The following CTBP1 variants were observed in gnomAD, a reference collection of about 807,000 sequenced individuals.
CTBP1 encodes the protein C-terminal binding protein 1.
A neutral mutation model predicts 42.1 loss-of-function variants in CTBP1; 11 were observed. That is an observed-to-expected ratio of 0.26 (90% CI 0.16 to 0.43). The LOEUF (loss-of-function observed/expected upper bound fraction) is 0.43. Ranked by LOEUF, CTBP1 falls within the 20% of genes least tolerant of loss-of-function variation. The probability of loss-of-function intolerance (pLI) is 1.00; values close to 1 mark genes in which losing one functional copy is unlikely to be tolerated. For synonymous variants in CTBP1, 324 were observed against 277.1 expected, an observed-to-expected ratio of 1.17 and a Z score of -1.68; for missense variants, 399 against 624.3, an observed-to-expected ratio of 0.64 and a Z score of 3.85.
At chr4:1,227,670 G>C (rs1730518658) in intron 4 of CTBP1, among the ~76,000 whole-genome samples, 1 of 150,738 alleles carries the variant, frequency 6.6e-6, no homozygotes, top group Non-Finnish European at 1.5e-5. Context: ...AGATGAGTGT[G>C]CGTGTTCCAT....
In CTBP1 at chr4:1,223,160, C is replaced by T. The variant is rs548535952; in HGVS notation, c.514+2200G>A. 1.5e-4 allele frequency among the ~76,000 whole-genome samples: 23 copies of T among 152,252 alleles called. No individual in the cohort carries two copies. In the Middle Eastern group the frequency reaches 0.01, roughly 68 times the overall value. On this transcript the variant is annotated intron_variant, in intron 5 of 9. Transcript: ENST00000382952. ...GTCCCCGGCCCCTCCCGACCTCTGC[C>T]CCAACCTGGGCTTCCTGCCCACCCT...
intron 1 of CTBP1, 70 bp from the exon 2 acceptor site, chr4:1,241,589 G>A: frequency 6.7e-7 from 1 of 1,483,828 alleles, no homozygotes. Context: ...AGACTCCAGG[G>A]AACGCCTCAG....
intron 5 of CTBP1, among the ~76,000 whole-genome samples, chr4:1,222,607 AGGCCTGGGCGGG>A (rs1486371239): frequency 1.3e-5 from 2 of 152,038 alleles, no homozygotes; most frequent in Admixed American, 1.3e-4. Context: ...TCCTCAGGCC[AGGCCTGGGCGGG>A]GGCCCTGGCA....
chr4:1,248,943 G>A lies in CTBP1; in HGVS notation c.-216C>T. On this transcript the variant is annotated 5_prime_UTR_variant, in exon 1 of 10. Transcript: ENST00000382952. ...AGCGGCAGGCCCTTGTTGAGCAAGTGCGAGCTGCCCATCGAGAGGCGCGAG... is the reference window on the plus strand; with the variant it reads ...AGCGGCAGGCCCTTGTTGAGCAAGTACGAGCTGCCCATCGAGAGGCGCGAG... The A allele has an allele frequency of 9.9e-7, 1 of 1,011,374 alleles. No homozygotes were observed. Among genetic ancestry groups the A allele is most frequent in the Non-Finnish European group, 1.2e-6 (1 of 841,242 alleles). 62.7% of individuals were successfully genotyped at this position (1,011,374 alleles called of 1,614,324 possible).
chr4:1,221,170 G>A (rs1327109602), intron 5 of CTBP1, among the ~76,000 whole-genome samples: 1 of 152,256 alleles, frequency 6.6e-6, no homozygotes, highest in Non-Finnish European at 1.5e-5. Context: ...GACGGCCGGA[G>A]GTGCTCCGAG....
At chr4:1,223,140 C>T (rs943321458) in intron 5 of CTBP1, among the ~76,000 whole-genome samples, 7 of 152,108 alleles carry the variant, frequency 4.6e-5, no homozygotes, top group Admixed American at 1.3e-4. Context: ...CCCGAGTCCC[C>T]GGCCCCTCCC....
At chr4:1,226,192 T>C (rs1248847021) in intron 4 of CTBP1, among the ~76,000 whole-genome samples, 1 of 151,994 alleles carries the variant, frequency 6.6e-6, no homozygotes, top group Non-Finnish European at 1.5e-5. Flanking sequence ...CCCGGCCTTG[T>C]CCCCAGAGAC....
chr4:1,245,244 G>A (rs374782717), intron 1 of CTBP1: 18 of 985,324 alleles, frequency 1.8e-5, no homozygotes, highest in East Asian at 1.1e-4. Flanking sequence ...AGGACACAGC[G>A]CAGGGGCTGT....
chr4:1,242,002 T>G, intron 1 of CTBP1: 8 of 1,001,148 alleles, frequency 8.0e-6, no homozygotes, highest in Non-Finnish European at 9.5e-6. Flanking sequence ...CCGGGAGAGG[T>G]GCTGCTGGCT....
chr4:1,241,232 C>T (rs1328523709), intron 2 of CTBP1, 93 bp downstream of exon 2: 1 of 778,744 alleles, frequency 1.3e-6, no homozygotes, highest in Admixed American at 1.7e-5. Flanking sequence ...AGCCCAGGTC[C>T]CTCGACTTGA....
At position 1,233,723 on chromosome 4, in the gene CTBP1, A is replaced by G. The variant is rs1214347194; in HGVS notation, c.162+4460T>C. On this transcript the variant is annotated intron_variant, in intron 3 of 9. Coordinates refer to ENST00000382952, the MANE Select transcript of CTBP1 (RefSeq NM_001012614.2). The surrounding 1 kb of genome is among the most constrained non-coding windows in gnomAD (Gnocchi z 4.6). ...ACTGGGGCGCCTCCCAGGCCCCGACATTCTTCCCGCTCCTCCTGTGACCGC... is the reference window on the plus strand; with the variant it reads ...ACTGGGGCGCCTCCCAGGCCCCGACGTTCTTCCCGCTCCTCCTGTGACCGC... Among the ~76,000 whole-genome samples, 1 of 152,012 alleles carries G rather than the reference A, an allele frequency of 6.6e-6. No homozygotes were observed. Among genetic ancestry groups the G allele is most frequent in the South Asian group, 2.1e-4 (1 of 4,806 alleles).
intron 3 of CTBP1, among the ~76,000 whole-genome samples, chr4:1,232,265 C>T (rs182009357): frequency 6.6e-6 from 1 of 152,284 alleles, no homozygotes; most frequent in East Asian, 1.9e-4. Flanking sequence ...TACCCAACCC[C>T]TACCTCTCCC....
chr4:1,238,961 C>T lies in CTBP1; in HGVS notation c.8-624G>A, dbSNP rs575743218. ...CTGCCTGGGCTACCGCGTGGCTGCC[C>T]GGAATCCCTGATGGGGTCACCAGTG... On this transcript the variant is annotated intron_variant, in intron 2 of 9. Coordinates refer to ENST00000382952, the MANE Select transcript of CTBP1 (RefSeq NM_001012614.2). The surrounding 1 kb of genome is among the most constrained non-coding windows in gnomAD (Gnocchi z 5.9). Among the ~76,000 whole-genome samples, 30 of 152,274 alleles carry T rather than the reference C, an allele frequency of 2.0e-4. No individual in the cohort carries two copies. Among genetic ancestry groups the T allele is most frequent in the African/African-American group, 6.3e-4 (26 of 41,544 alleles).
chr4:1,248,677 C>G lies in CTBP1; in HGVS notation c.-189+239G>C, dbSNP rs909819297. ...TTGTGTCACCTGCACGGGCCGCGGG[C>G]GGGGAGAGCAGACTGCGGCGCTCGC... is the stretch of plus-strand genomic sequence containing the variant. On this transcript the variant is annotated intron_variant, in intron 1 of 9. Coordinates refer to ENST00000382952, the MANE Select transcript of CTBP1 (RefSeq NM_001012614.2). 4.1e-6 allele frequency: 4 copies of G among 983,016 alleles called. No individual in the cohort carries two copies. In the African/African-American group the frequency reaches 7.0e-5, roughly 17 times the overall value. The allele number at this position is 983,016 out of a possible 1,614,324, so 60.9% of individuals were successfully genotyped here.
Position 1,213,404 on chromosome 4 carries a change from G to A in CTBP1, c.988+74C>T, listed in dbSNP as rs112496500. 927 of 1,588,518 alleles carry A rather than the reference G, an allele frequency of 5.8e-4. 3 individuals are homozygous for A. In the African/African-American group the frequency reaches 0.01, roughly 17 times the overall value. On this transcript the variant is annotated intron_variant, in intron 8 of 9. Transcript: ENST00000382952. ...CAGAACATGGGCCTGGCTGCCAGGCGGATGCGAGCCCATGAGCATCTGGGG... is the reference window on the plus strand; with the variant it reads ...CAGAACATGGGCCTGGCTGCCAGGCAGATGCGAGCCCATGAGCATCTGGGG...
At chr4:1,247,545 C>T (rs1732845035) in intron 1 of CTBP1, among the ~76,000 whole-genome samples, 1 of 152,140 alleles carries the variant, frequency 6.6e-6, no homozygotes, top group Non-Finnish European at 1.5e-5. Context: ...GGGGGACCCC[C>T]AAACCGCAGC....
chr4:1,245,582 C>A, intron 1 of CTBP1: 3 of 984,328 alleles, frequency 3.0e-6, no homozygotes, highest in Non-Finnish European at 1.2e-6. Flanking sequence ...GTGACACGGG[C>A]GGCAGGGAAG....
At chr4:1,217,627 A>C (rs943901786) in intron 5 of CTBP1, 1 of 152,228 alleles carries the variant, frequency 6.6e-6, no homozygotes, top group Non-Finnish European at 1.5e-5. Context: ...AAACCAGCTA[A>C]AGCCGCGGGC....
At chr4:1,240,979 G>A (rs1342612630) in intron 2 of CTBP1, among the ~76,000 whole-genome samples, 2 of 152,200 alleles carry the variant, frequency 1.3e-5, no homozygotes, top group East Asian at 1.9e-4. Flanking sequence ...CCAGCCGGGT[G>A]GACACCTGAG....
Sources: allele counts gnomAD v4.1 joint callset (sites outside exome capture counted in the v4.1 genomes callset), GRCh38; gene constraint gnomAD v4.1.1; non-coding constraint Gnocchi (gnomAD v3.1); transcripts MANE v1.5; gene names NCBI Gene and HGNC (gene_info 2026-07-23, HGNC 2026-07-21).